SLMAP: variants seen among roughly 807,000 people sequenced by gnomAD.
The protein encoded by SLMAP is sarcolemma associated protein.
SLMAP carries 44 observed loss-of-function variants against 128.8 expected under a neutral mutation model. The observed-to-expected ratio is 0.34, with a 90% CI of 0.27 to 0.44. The LOEUF (loss-of-function observed/expected upper bound fraction) is 0.44. Ranked by LOEUF, SLMAP falls within the 20% of genes least tolerant of loss-of-function variation. SLMAP has a pLI of 1.00. For missense variants in SLMAP, 787 were observed against 985.3 expected, an observed-to-expected ratio of 0.80 and a Z score of 2.69; for synonymous variants, 327 against 348.8, an observed-to-expected ratio of 0.94 and a Z score of 0.70.
intron 8 of SLMAP, among the ~76,000 whole-genome samples, chr3:57,859,560 A>G (rs1300461445): frequency 6.6e-6 from 1 of 152,160 alleles, no homozygotes; most frequent in Non-Finnish European, 1.5e-5. Context: ...GTCTCTAAAA[A>G]AACGAAAAAA....
At chr3:57,811,396 C>T (rs1306362800) in intron 2 of SLMAP, among the ~76,000 whole-genome samples, 2 of 152,112 alleles carry the variant, frequency 1.3e-5, no homozygotes, top group Admixed American at 1.3e-4. Flanking sequence ...AAGGTTAATC[C>T]ATGTTGTAGC....
intron 2 of SLMAP, among the ~76,000 whole-genome samples, chr3:57,823,809 T>G (rs910224743): frequency 6.6e-6 from 1 of 152,186 alleles, no homozygotes; most frequent in African/African-American, 2.4e-5. Context: ...ACTTCCACAA[T>G]GGTTGAACTA....
chr3:57,796,865 G>A (rs538138445), intron 2 of SLMAP, among the ~76,000 whole-genome samples: 63 of 152,244 alleles, frequency 4.1e-4, no homozygotes, highest in African/African-American at 1.5e-3. Flanking sequence ...TGTAGAATAT[G>A]TCTCTAAAAT....
chr3:57,801,887 A>G (rs1042435582), intron 2 of SLMAP, among the ~76,000 whole-genome samples: 1 of 151,330 alleles, frequency 6.6e-6, no homozygotes, highest in Middle Eastern at 3.4e-3. Flanking sequence ...CTTTTATGGT[A>G]CTCTTGGAAG....
intron 14 of SLMAP, among the ~76,000 whole-genome samples, chr3:57,885,393 T>TG (rs991800357): frequency 5.5e-5 from 8 of 145,428 alleles, no homozygotes; most frequent in African/African-American, 1.8e-4. Flanking sequence ...TTGTTGTTGT[T>TG]TTGTTTTGTT....
At chr3:57,777,587 A>G (rs1015076515) in intron 2 of SLMAP, among the ~76,000 whole-genome samples, 1 of 152,154 alleles carries the variant, frequency 6.6e-6, no homozygotes, top group East Asian at 1.9e-4. Flanking sequence ...CTTAAAAAAA[A>G]AAGAATAAGA....
intron 2 of SLMAP, among the ~76,000 whole-genome samples, chr3:57,808,358 G>A (rs148019232): frequency 6.1e-4 from 93 of 152,142 alleles, no homozygotes; most frequent in African/African-American, 2.1e-3. Context: ...TTAGGGTGTC[G>A]ATTTGAGATC....
At chr3:57,873,728 T>A (rs1313288054) in intron 14 of SLMAP, among the ~76,000 whole-genome samples, 2 of 152,098 alleles carry the variant, frequency 1.3e-5, no homozygotes, top group Non-Finnish European at 2.9e-5. Context: ...GTAATCCTGC[T>A]CTTTCATGGG....
chr3:57,766,396 T>A (rs116420390), intron 2 of SLMAP, among the ~76,000 whole-genome samples: 1,918 of 152,124 alleles, frequency 0.013, 28 homozygotes, highest in African/African-American at 0.044. Flanking sequence ...GAGAATGTCA[T>A]TTAGAGTTTT....
intron 2 of SLMAP, among the ~76,000 whole-genome samples, chr3:57,815,044 C>T (rs917830033): frequency 5.9e-4 from 89 of 152,102 alleles, no homozygotes; most frequent in African/African-American, 1.9e-3. Flanking sequence ...TTTTTGGCAC[C>T]GAGGACTGGT....
chr3:57,890,156 G>A, intron 15 of SLMAP, 56 bp downstream of exon 15: 3 of 1,548,104 alleles, frequency 1.9e-6, no homozygotes, highest in East Asian at 2.2e-5. Context: ...ATGAAGGTTA[G>A]TGTATATTTT....
chr3:57,821,797 A>G (rs1033557631), intron 2 of SLMAP, among the ~76,000 whole-genome samples: 5 of 152,240 alleles, frequency 3.3e-5, no homozygotes, highest in South Asian at 2.1e-4. Context: ...TTCTTAGTCC[A>G]GTGCCAAAGG....
chr3:57,772,932 G>A (rs1401776670), intron 2 of SLMAP, among the ~76,000 whole-genome samples: 1 of 152,114 alleles, frequency 6.6e-6, no homozygotes, highest in Non-Finnish European at 1.5e-5. Flanking sequence ...GAGCCATCAC[G>A]CCCAGCCTAC....
At chr3:57,836,938 A>G (rs1383854792) in intron 3 of SLMAP, among the ~76,000 whole-genome samples, 1 of 152,196 alleles carries the variant, frequency 6.6e-6, no homozygotes, top group Non-Finnish European at 1.5e-5. Flanking sequence ...AGTTCTGTGA[A>G]CACATGTAAC....
chr3:57,922,876 TC>T lies in SLMAP; in HGVS notation c.2311-12del, dbSNP rs2096942330. The T allele has an allele frequency of 1.2e-6, 2 of 1,607,244 alleles. No individual in the cohort carries two copies. Among genetic ancestry groups the T allele is most frequent in the Non-Finnish European group, 8.5e-7 (1 of 1,177,568 alleles). On this transcript the variant is annotated splice_polypyrimidine_tract_variant and intron_variant, in intron 22 of 24. Coordinates refer to ENST00000671191, the MANE Select transcript of SLMAP (RefSeq NM_001377540.1). ...AAGTTGTATCTGCACACTTTTTTTT[TC>T]TTTGCCTTTAGTATGAAAAGACACA...
intron 4 of SLMAP, among the ~76,000 whole-genome samples, chr3:57,843,540 A>G (rs577256951): frequency 1.3e-5 from 2 of 151,426 alleles, no homozygotes; most frequent in East Asian, 3.9e-4. Flanking sequence ...TCCCGAGCAC[A>G]GGCAGTCCAC....
At chr3:57,761,766 G>A (rs1406096545) in intron 2 of SLMAP, among the ~76,000 whole-genome samples, 2 of 151,918 alleles carry the variant, frequency 1.3e-5, no homozygotes, top group Non-Finnish European at 2.9e-5. Context: ...GTTGGAAGAA[G>A]GCCGGGCGCG....
At chr3:57,812,007 T>A (rs1272455423) in intron 2 of SLMAP, among the ~76,000 whole-genome samples, 1 of 152,232 alleles carries the variant, frequency 6.6e-6, no homozygotes, top group Non-Finnish European at 1.5e-5. Flanking sequence ...TGCAAATATT[T>A]TCTCCCATTC....
At chr3:57,880,205 T>C (rs1200309547) in intron 14 of SLMAP, among the ~76,000 whole-genome samples, 2 of 151,524 alleles carry the variant, frequency 1.3e-5, no homozygotes, top group East Asian at 3.9e-4. Context: ...TTTTGTTTTG[T>C]TTTGTTTTGT....
Sources: gnomAD v4.1 joint callset for allele counts (sites outside exome capture counted in the v4.1 genomes callset) on GRCh38, gnomAD v4.1.1 for gene constraint, MANE v1.5 for transcripts, NCBI Gene and HGNC (gene_info 2026-07-23, HGNC 2026-07-21) for gene names.